The following RPTOR variants were observed in gnomAD, a reference collection of about 807,000 sequenced individuals.
RPTOR encodes regulatory associated protein of MTOR complex 1.
RPTOR carries 21 observed loss-of-function variants against 169.9 expected under a neutral mutation model. The ratio of observed to expected loss-of-function variants is 0.12; its 90% CI spans 0.09 to 0.18. The LOEUF is 0.18. Ranked by LOEUF, RPTOR falls within the 10% of genes least tolerant of loss-of-function variation. RPTOR has a pLI of 1.00. For missense variants in RPTOR, 1,133 were observed against 1,855.9 expected (o/e 0.61, Z 7.16); for synonymous variants, 732 against 753.2 (o/e 0.97, Z 0.46).
intron 5 of RPTOR, among the ~76,000 whole-genome samples, chr17:80,752,914 C>T (rs1005509333): frequency 2.0e-5 from 3 of 152,186 alleles, no homozygotes; most frequent in Non-Finnish European, 4.4e-5. Flanking sequence ...AACAACAATT[C>T]ACTTAGTGCC....
chr17:80,744,451 T>TCCTGGCTACTAGCACAGC lies in RPTOR; in HGVS notation c.655-9554_655-9553insCTACTAGCACAGCCCTGG, dbSNP rs2066540177. On this transcript the variant is annotated intron_variant, in intron 5 of 33. Transcript: ENST00000306801. ...AGCACAGCCCTGGCTACTAGCACTG[T>TCCTGGCTACTAGCACAGC]CCTGGTTACTAGCACAGCCCTGGTT... Among the ~76,000 whole-genome samples, 5 of 6,770 alleles carry TCCTGGCTACTAGCACAGC rather than the reference T, an allele frequency of 7.4e-4. 2 individuals carry two copies. The South Asian group carries it at 0.014, about 20-fold the overall frequency. 4.4% of individuals were successfully genotyped at this position (6,770 alleles called of 152,430 possible). A position where few individuals can be genotyped will look rare whatever the true frequency, so the allele number is the denominator to read the frequency against.
intron 4 of RPTOR, among the ~76,000 whole-genome samples, chr17:80,728,006 G>T (rs994265802): frequency 1.3e-5 from 2 of 152,190 alleles, no homozygotes; most frequent in African/African-American, 4.8e-5. Context: ...AAACAGAATG[G>T]ATGAATGAAT....
intron 5 of RPTOR, among the ~76,000 whole-genome samples, chr17:80,748,617 T>C (rs1279349434): frequency 1.1e-5 from 1 of 87,126 alleles, no homozygotes; most frequent in Non-Finnish European, 2.2e-5. Context: ...ATGGAGGGAC[T>C]GTGGTGTGTG....
intron 17 of RPTOR, among the ~76,000 whole-genome samples, chr17:80,889,628 C>T (rs548039504): frequency 6.6e-6 from 1 of 152,326 alleles, no homozygotes; most frequent in East Asian, 1.9e-4. Context: ...GCCAGACCCT[C>T]TGATGGGTTC....
At chr17:80,756,910 C>T (rs893173271) in intron 6 of RPTOR, among the ~76,000 whole-genome samples, 1 of 152,116 alleles carries the variant, frequency 6.6e-6, no homozygotes, top group Non-Finnish European at 1.5e-5. Flanking sequence ...ACAAAACAGA[C>T]AGACAGACAA....
chr17:80,922,618 CT>C, intron 21 of RPTOR, 105 bp from the exon 22 acceptor site: 1 of 945,256 alleles, frequency 1.1e-6, no homozygotes. Flanking sequence ...GGCCAAAGGC[CT>C]TTTCTGTGAT....
In RPTOR at chr17:80,910,856, T is replaced by C. The variant is rs560428924; in HGVS notation, c.2520+1927T>C. ...CTTCTTCAGTTCTTTTTTTTTTTTT[T>C]TCTCTTGCTCTGTTGCCAGGCTGGA... On this transcript the variant is annotated intron_variant, in intron 21 of 33. Transcript: ENST00000306801. Among the ~76,000 whole-genome samples the C allele has an allele frequency of 7.3e-3, 1,101 of 151,808 alleles. 9 individuals are homozygous for C. Among genetic ancestry groups the C allele is most frequent in the South Asian group, 0.044 (209 of 4,792 alleles).
At chr17:80,698,345 G>A (rs1176221330) in intron 3 of RPTOR, among the ~76,000 whole-genome samples, 1 of 151,648 alleles carries the variant, frequency 6.6e-6, no homozygotes, top group East Asian at 1.9e-4. Context: ...AGCCATCTAG[G>A]TACAGCAACC....
chr17:80,834,482 C>T (rs1351573987), intron 9 of RPTOR, among the ~76,000 whole-genome samples: 1 of 152,198 alleles, frequency 6.6e-6, no homozygotes, highest in African/African-American at 2.4e-5. Flanking sequence ...AGCCTCTGTG[C>T]ATCAGTGAAA....
rs375446692 is a variant in RPTOR at position 80,922,780 on chromosome 17, G to A, written c.2577G>A (p.Ser859=). ...RVLDTSSLTQ[S]APASPTNKGV... is the part of the protein sequence containing the mutation. ...TGGACACCTCCTCCCTCACGCAGTC[G>A]GCCCCCGCCAGCCCCACCAACAAGG... The change falls in exon 22 of 34, where the codon TCG becomes TCA. Residue 859 remains serine, a synonymous_variant. Coordinates refer to ENST00000306801, the MANE Select transcript of RPTOR (RefSeq NM_020761.3). The A allele has an allele frequency of 2.4e-5, 38 of 1,579,256 alleles. No homozygotes were observed. The Admixed American group carries it at 3.9e-4, about 16-fold the overall frequency.
At chr17:80,557,026 G>A (rs1217858987) in intron 1 of RPTOR, among the ~76,000 whole-genome samples, 2 of 152,124 alleles carry the variant, frequency 1.3e-5, no homozygotes, top group South Asian at 2.1e-4. Context: ...AACTCAGGAG[G>A]TGGAGGTTGC....
intron 2 of RPTOR, among the ~76,000 whole-genome samples, chr17:80,638,310 A>G (rs1437304637): frequency 3.9e-5 from 6 of 152,150 alleles, no homozygotes; most frequent in African/African-American, 1.4e-4. Context: ...AGCCACGGCC[A>G]GTCACAGCCG....
chr17:80,960,516 G>T lies in RPTOR; in HGVS notation c.3605+311G>T, dbSNP rs905645403. Among the ~76,000 whole-genome samples the T allele has an allele frequency of 5.3e-5, 8 of 152,106 alleles. No homozygotes were observed. The highest frequency in any genetic ancestry group is 1.9e-4 in the African/African-American group (8 of 41,434). On this transcript the variant is annotated intron_variant, in intron 30 of 33. Transcript: ENST00000306801. This position sits in a 1 kb window ranked among gnomAD's most constrained non-coding sequence, Gnocchi z 4.8. Reference sequence around the variant, plus strand: ...GAGGCTGTCGGGGTGAGGCAGGGCCGCAGCCAGGCACCTGCCACCTCTGAG... The same window carrying T: ...GAGGCTGTCGGGGTGAGGCAGGGCCTCAGCCAGGCACCTGCCACCTCTGAG...
At chr17:80,741,236 T>C (rs912785196) in intron 5 of RPTOR, among the ~76,000 whole-genome samples, 2 of 152,166 alleles carry the variant, frequency 1.3e-5, no homozygotes, top group African/African-American at 4.8e-5. Context: ...CCTGCTGGCT[T>C]GGCTAATGAG....
In RPTOR at chr17:80,883,476, A is replaced by T; in HGVS notation, c.1642A>T (p.Thr548Ser). The part of the protein sequence containing the change: ...ILAVIVNSYH[T>S]GQEACLQGNL... ...CGCCGTGATCGTCAACAGCTATCAC[A>T]CGGGGCAGGTGAGCCCCCCAGCCAC... Residue 548 changes from threonine (T) to serine (S), a missense_variant, in exon 15 of 34, where the codon ACG (threonine) becomes TCG (serine). Physicochemically the swap from Thr to Ser is moderately conservative, Grantham distance 58. Around this residue, in one of 9 missense-constraint regions of RPTOR, gnomAD observed 289 missense variants for 585.8 expected, o/e 0.49. Transcript: ENST00000306801. 6.2e-7 allele frequency: 1 copy of T among 1,614,058 alleles called. No individual in the cohort carries two copies. Among genetic ancestry groups the T allele is most frequent in the Non-Finnish European group, 8.5e-7 (1 of 1,180,006 alleles).
intron 4 of RPTOR, among the ~76,000 whole-genome samples, chr17:80,716,782 C>T (rs141101548): frequency 3.9e-5 from 6 of 152,294 alleles, no homozygotes; most frequent in East Asian, 1.9e-4. Context: ...CATTCTCCTA[C>T]GTGTGACTTG....
intron 7 of RPTOR, among the ~76,000 whole-genome samples, chr17:80,814,980 G>T (rs920275457): frequency 1.3e-5 from 2 of 152,228 alleles, no homozygotes; most frequent in Non-Finnish European, 2.9e-5. Flanking sequence ...AGACAGGAGG[G>T]TGGTCTGAGC....
At chr17:80,899,963 C>A (rs1307854112) in intron 20 of RPTOR, among the ~76,000 whole-genome samples, 2 of 152,192 alleles carry the variant, frequency 1.3e-5, no homozygotes, top group African/African-American at 4.8e-5. Flanking sequence ...ACGGATTGGA[C>A]AGATATTTTG....
At chr17:80,883,104 G>C (rs376201306) in intron 14 of RPTOR, among the ~76,000 whole-genome samples, 3 of 152,186 alleles carry the variant, frequency 2.0e-5, no homozygotes, top group Non-Finnish European at 4.4e-5. Context: ...GGTGAGGTCC[G>C]GGTGCTTCAT....
Sources: gnomAD v4.1 joint callset for allele counts (sites outside exome capture counted in the v4.1 genomes callset) on GRCh38, gnomAD v4.1.1 for gene constraint, gnomAD v4.1.1 regional missense constraint, Gnocchi (gnomAD v3.1) non-coding constraint, MANE v1.5 for transcripts, NCBI Gene and HGNC (gene_info 2026-07-23, HGNC 2026-07-21) for gene names.